Variants in CNTNAP3B observed in about 807,000 individuals in gnomAD.
The protein encoded by CNTNAP3B is contactin associated protein family member 3B.
A neutral mutation model predicts 108.9 loss-of-function variants in CNTNAP3B; 25 were observed. The observed-to-expected ratio is 0.23, with a 90% CI of 0.17 to 0.32. CNTNAP3B has a LOEUF of 0.32. Ranked by LOEUF, CNTNAP3B falls within the 10% of genes least tolerant of loss-of-function variation. CNTNAP3B has a pLI of 1.00. For synonymous variants in CNTNAP3B, 103 were observed against 473.4 expected, an observed-to-expected ratio of 0.22 and a Z score of 10.16; for missense variants, 252 against 1,210.4, an observed-to-expected ratio of 0.21 and a Z score of 11.75.
At chr9:41,934,184 C>CAT (rs1240048584) in intron 14 of CNTNAP3B, among the ~76,000 whole-genome samples, 5 of 83,074 alleles carry the variant, frequency 6.0e-5, no homozygotes, top group African/African-American at 2.3e-4. Flanking sequence ...TATACACACA[C>CAT]ACACATATAT....
chr9:42,089,282 T>G (rs1193918445), intron 2 of CNTNAP3B, among the ~76,000 whole-genome samples: 6 of 118,706 alleles, frequency 5.1e-5, no homozygotes, highest in African/African-American at 1.0e-4. Flanking sequence ...TTGCTACATT[T>G]ACATTATTCT....
At chr9:41,990,807 T>C (rs1188780873) in intron 8 of CNTNAP3B, among the ~76,000 whole-genome samples, 3 of 137,898 alleles carry the variant, frequency 2.2e-5, no homozygotes, top group Non-Finnish European at 3.1e-5. Flanking sequence ...CACATCTGAC[T>C]GCATGTGAGA....
At chr9:41,928,281 T>C (rs1004346483) in intron 15 of CNTNAP3B, among the ~76,000 whole-genome samples, 13 of 152,284 alleles carry the variant, frequency 8.5e-5, no homozygotes, top group East Asian at 3.9e-4. Flanking sequence ...AATATTTGCA[T>C]TGGTTCCCCT....
rs199602288 is a variant in CNTNAP3B at position 41,946,554 on chromosome 9, C to G, written c.2080+6629G>C. 4.4e-3 allele frequency among the ~76,000 whole-genome samples: 211 copies of G among 48,464 alleles called. 7 individuals carry two copies. Among genetic ancestry groups the G allele is most frequent in the East Asian group, 0.024 (38 of 1,604 alleles). The allele number at this position is 48,464 out of a possible 152,430, so 31.8% of individuals were successfully genotyped here. ...AGAGAAACAAAATTTTTTAACTAAG[C>G]CAGTAATTAATAACCTTCCCAAACA... is the stretch of plus-strand genomic sequence containing the variant. On this transcript the variant is annotated intron_variant, in intron 13 of 23. Coordinates refer to ENST00000377561, the MANE Select transcript of CNTNAP3B (RefSeq NM_001201380.3).
At chr9:41,930,770 C>A (rs1433437115) in intron 14 of CNTNAP3B, among the ~76,000 whole-genome samples, 2 of 152,266 alleles carry the variant, frequency 1.3e-5, no homozygotes, top group Admixed American at 6.5e-5. Flanking sequence ...CCTAGGGGAA[C>A]CTGGGGTCCT....
chr9:42,116,152 A>G (rs569910918), intron 1 of CNTNAP3B, among the ~76,000 whole-genome samples: 2 of 137,996 alleles, frequency 1.4e-5, no homozygotes, highest in Non-Finnish European at 3.1e-5. Context: ...AAATGAAGCG[A>G]GAAAAGAAGT....
chr9:41,977,843 G>C (rs1825551018), intron 9 of CNTNAP3B, among the ~76,000 whole-genome samples: 2 of 139,094 alleles, frequency 1.4e-5, no homozygotes, highest in Non-Finnish European at 3.1e-5. Flanking sequence ...GTGTTAGCCA[G>C]GATGGTCTCG....
chr9:42,113,352 T>A (rs1828236703), intron 1 of CNTNAP3B, among the ~76,000 whole-genome samples: 1 of 138,918 alleles, frequency 7.2e-6, no homozygotes. Context: ...TTTCTTGCTA[T>A]GTAGTTAAAT....
At chr9:42,122,099 C>A (rs1314940794) in intron 1 of CNTNAP3B, among the ~76,000 whole-genome samples, 1 of 139,470 alleles carries the variant, frequency 7.2e-6, no homozygotes, top group African/African-American at 2.8e-5. Context: ...CTATGGGCAG[C>A]AGGCTTTGCT....
intron 11 of CNTNAP3B, among the ~76,000 whole-genome samples, chr9:41,961,554 A>T (rs527528936): frequency 6.6e-6 from 1 of 152,306 alleles, no homozygotes; most frequent in Non-Finnish European, 1.5e-5. Flanking sequence ...TCCCATAAGC[A>T]TTCTGTAAAG....
At chr9:41,940,578 C>T (rs1268503596) in intron 13 of CNTNAP3B, among the ~76,000 whole-genome samples, 2 of 152,380 alleles carry the variant, frequency 1.3e-5, no homozygotes, top group African/African-American at 2.4e-5. Context: ...CCAGCACTTT[C>T]GGAGGCCGAG....
chr9:41,962,673 CG>C (rs1445300565), intron 11 of CNTNAP3B, among the ~76,000 whole-genome samples: 5 of 144,768 alleles, frequency 3.5e-5, no homozygotes, highest in Non-Finnish European at 7.6e-5. Flanking sequence ...TGTGTCACAG[CG>C]GCTGGGCATG....
At chr9:41,937,218 C>T (rs1252202298) in intron 14 of CNTNAP3B, among the ~76,000 whole-genome samples, 15 of 150,142 alleles carry the variant, frequency 1.0e-4, no homozygotes, top group African/African-American at 2.0e-4. Flanking sequence ...ACCTCTACCT[C>T]CTGGGTTAAG....
intron 18 of CNTNAP3B, among the ~76,000 whole-genome samples, chr9:41,913,459 G>T (rs1823453139): frequency 6.6e-6 from 1 of 151,480 alleles, no homozygotes; most frequent in Non-Finnish European, 1.5e-5. Flanking sequence ...TGTGTTGGTG[G>T]ATATTTTGGA....
chr9:41,919,679 C>T lies in CNTNAP3B; in HGVS notation c.2995+391G>A, dbSNP rs1226646868. ...TTGCTCAAGCCTAGGAGTTCAAGTC[C>T]GGCCTGGGCAACAGAGAGGCTTGAA... On this transcript the variant is annotated intron_variant, in intron 18 of 23. Coordinates refer to ENST00000377561, the MANE Select transcript of CNTNAP3B (RefSeq NM_001201380.3). 1.8e-4 allele frequency among the ~76,000 whole-genome samples: 27 copies of T among 152,168 alleles called. No individual in the cohort carries two copies. In the East Asian group the frequency reaches 2.1e-3, roughly 12 times the overall value.
chr9:41,947,881 A>C (rs1824570444), intron 13 of CNTNAP3B, among the ~76,000 whole-genome samples: 1 of 152,232 alleles, frequency 6.6e-6, no homozygotes, highest in South Asian at 2.1e-4. Context: ...ATAAGAAAAT[A>C]CTACAAATAA....
At chr9:41,941,127 T>G (rs1268327532) in intron 13 of CNTNAP3B, among the ~76,000 whole-genome samples, 11 of 150,980 alleles carry the variant, frequency 7.3e-5, no homozygotes, top group Non-Finnish European at 1.6e-4. Context: ...ATTCCATATT[T>G]CATTATGAGA....
chr9:42,035,509 G>A (rs1826606155), intron 3 of CNTNAP3B, among the ~76,000 whole-genome samples: 1 of 146,532 alleles, frequency 6.8e-6, no homozygotes, highest in Non-Finnish European at 1.5e-5. Flanking sequence ...CACTAAAGGT[G>A]GGACTTTGGA....
chr9:42,087,169 A>G (rs1215741875), intron 2 of CNTNAP3B, among the ~76,000 whole-genome samples: 2 of 141,212 alleles, frequency 1.4e-5, no homozygotes, highest in Non-Finnish European at 3.1e-5. Context: ...TATCCTGTTA[A>G]CTTGTTAAAA....
Sources: gnomAD v4.1 joint callset for allele counts (sites outside exome capture counted in the v4.1 genomes callset) on GRCh38, gnomAD v4.1.1 for gene constraint, MANE v1.5 for transcripts, NCBI Gene and HGNC (gene_info 2026-07-23, HGNC 2026-07-21) for gene names.